Variants in RBFOX1 observed in about 807,000 individuals in gnomAD.
RBFOX1 encodes the protein RNA binding fox-1 homolog 1.
In RBFOX1, 8 loss-of-function variants were observed where a neutral mutation model predicts 57.7. That is an observed-to-expected ratio of 0.14 (90% CI 0.08 to 0.25). The LOEUF (loss-of-function observed/expected upper bound fraction) is 0.25, where lower values mean the gene tolerates loss of function less well. Ranked by LOEUF, RBFOX1 falls within the 10% of genes least tolerant of loss-of-function variation. The pLI is 1.00. For synonymous variants in RBFOX1, 326 were observed against 222.4 expected (o/e 1.47, Z -4.15); for missense variants, 611 against 548.5 (o/e 1.11, Z -1.14).
intron 4 of RBFOX1, among the ~76,000 whole-genome samples, chr16:5,911,954 G>T (rs935333623): frequency 2.6e-5 from 4 of 152,172 alleles, no homozygotes; most frequent in African/African-American, 9.7e-5. Flanking sequence ...CAAACATTCA[G>T]ACCTTAGTAG....
chr16:7,457,283 G>T (rs1037974017), intron 4 of RBFOX1, among the ~76,000 whole-genome samples: 1 of 152,110 alleles, frequency 6.6e-6, no homozygotes, highest in African/African-American at 2.4e-5. Flanking sequence ...TTGTGTCATG[G>T]AATAGCAAAC....
chr16:5,845,268 A>G (rs188974888), intron 3 of RBFOX1, among the ~76,000 whole-genome samples: 84 of 152,116 alleles, frequency 5.5e-4, no homozygotes, highest in Middle Eastern at 3.4e-3. Context: ...AAGCATTTCC[A>G]CCACCGTTAT....
chr16:5,666,590 T>C (rs1193490626), intron 3 of RBFOX1, among the ~76,000 whole-genome samples: 1 of 152,200 alleles, frequency 6.6e-6, no homozygotes, highest in African/African-American at 2.4e-5. Context: ...AACAGTGTAC[T>C]TAAAGACTGT....
At chr16:6,851,891 G>A (rs1004704700) in intron 3 of RBFOX1, among the ~76,000 whole-genome samples, 1 of 151,824 alleles carries the variant, frequency 6.6e-6, no homozygotes, top group East Asian at 1.9e-4. Context: ...TATTTTTTGG[G>A]GGGTTGGAGA....
intron 3 of RBFOX1, among the ~76,000 whole-genome samples, chr16:6,753,316 G>C (rs1290951354): frequency 2.6e-5 from 4 of 152,192 alleles, no homozygotes; most frequent in Non-Finnish European, 4.4e-5. Flanking sequence ...CAGCTTTGCT[G>C]TTTTGAGATT....
At chr16:7,079,597 G>T (rs2058843636) in intron 4 of RBFOX1, among the ~76,000 whole-genome samples, 1 of 152,160 alleles carries the variant, frequency 6.6e-6, no homozygotes, top group Non-Finnish European at 1.5e-5. Flanking sequence ...AAAATAAAAT[G>T]CCATATTGAA....
intron 4 of RBFOX1, among the ~76,000 whole-genome samples, chr16:7,440,502 G>C (rs1277148149): frequency 6.6e-6 from 1 of 152,142 alleles, no homozygotes; most frequent in Non-Finnish European, 1.5e-5. Flanking sequence ...CAAGGAATGT[G>C]GCCAGCATTA....
chr16:6,863,701 G>A lies in RBFOX1; in HGVS notation c.-15-188356G>A, dbSNP rs375971262. ...AAAAAAAAGAAAAAAAGAAATGACCGGAAGCACAAATTGGATGCCTGCGCT... is the reference window on the plus strand; with the variant it reads ...AAAAAAAAGAAAAAAAGAAATGACCAGAAGCACAAATTGGATGCCTGCGCT... On this transcript the variant is annotated intron_variant, in intron 3 of 15. Transcript: ENST00000550418. Among the ~76,000 whole-genome samples the A allele has an allele frequency of 2.0e-4, 25 of 125,574 alleles. 1 individual carries two copies. Among genetic ancestry groups the A allele is most frequent in the African/African-American group, 4.9e-4 (16 of 32,392 alleles). 82.4% of individuals were successfully genotyped at this position (125,574 alleles called of 152,430 possible). A position where few individuals can be genotyped will look rare whatever the true frequency, so the allele number is the denominator to read the frequency against.
At chr16:7,362,556 ATGTTT>A (rs1311915139) in intron 4 of RBFOX1, among the ~76,000 whole-genome samples, 1 of 149,166 alleles carries the variant, frequency 6.7e-6, no homozygotes, top group Admixed American at 6.7e-5. Flanking sequence ...TAGTGTGTGG[ATGTTT>A]TGTTTGCATG....
chr16:6,950,386 C>G (rs956879713), intron 3 of RBFOX1, among the ~76,000 whole-genome samples: 1 of 144,236 alleles, frequency 6.9e-6, no homozygotes, highest in East Asian at 2.1e-4. Context: ...CCACCCACCA[C>G]CCACTACCCA....
intron 3 of RBFOX1, among the ~76,000 whole-genome samples, chr16:6,972,743 C>T (rs753860887): frequency 2.0e-5 from 3 of 151,910 alleles, no homozygotes; most frequent in Non-Finnish European, 4.4e-5. Context: ...GTGGGAGACT[C>T]CAGGGGAAAC....
chr16:5,904,564 G>T (rs2058397552), intron 4 of RBFOX1, among the ~76,000 whole-genome samples: 1 of 151,934 alleles, frequency 6.6e-6, no homozygotes, highest in Non-Finnish European at 1.5e-5. Context: ...CCATGGTGTG[G>T]TCTCTGTCCC....
intron 5 of RBFOX1, among the ~76,000 whole-genome samples, chr16:7,530,707 A>C (rs1057037781): frequency 8.5e-5 from 13 of 152,188 alleles, no homozygotes; most frequent in African/African-American, 3.1e-4. Context: ...CCAAATTGTC[A>C]AATTATAGCA....
chr16:5,848,187 C>G (rs753895411), intron 3 of RBFOX1, among the ~76,000 whole-genome samples: 1 of 152,128 alleles, frequency 6.6e-6, no homozygotes, highest in African/African-American at 2.4e-5. Context: ...TTTTGTCCAG[C>G]CTGACACCAC....
intron 1 of RBFOX1, among the ~76,000 whole-genome samples, chr16:5,337,393 C>T (rs923959168): frequency 3.3e-5 from 5 of 152,142 alleles, no homozygotes; most frequent in Non-Finnish European, 5.9e-5. Context: ...TGATTTCATA[C>T]TTTATATTCA....
chr16:5,438,257 T>G (rs1452950064), intron 1 of RBFOX1, among the ~76,000 whole-genome samples: 1 of 152,192 alleles, frequency 6.6e-6, no homozygotes, highest in African/African-American at 2.4e-5. Flanking sequence ...CATCCAGTCA[T>G]CACCTAAGTT....
chr16:5,611,418 A>T (rs2047782264), intron 3 of RBFOX1: 1 of 152,186 alleles, frequency 6.6e-6, no homozygotes, highest in African/African-American at 2.4e-5. Flanking sequence ...GTAAGAGCAC[A>T]GAAAGCCTAA....
intron 12 of RBFOX1, among the ~76,000 whole-genome samples, chr16:7,661,686 C>G (rs1027337869): frequency 2.0e-5 from 3 of 152,190 alleles, no homozygotes; most frequent in African/African-American, 7.2e-5. Context: ...GGGCTTTCTT[C>G]TTCGGTCTTC....
At chr16:6,698,494 C>A (rs13337871) in intron 3 of RBFOX1, among the ~76,000 whole-genome samples, 1 of 152,126 alleles carries the variant, frequency 6.6e-6, no homozygotes. Flanking sequence ...GGGCTGGGCC[C>A]TGTCTTTCCC....
Sources: gnomAD v4.1 joint callset for allele counts (sites outside exome capture counted in the v4.1 genomes callset) on GRCh38, gnomAD v4.1.1 for gene constraint, MANE v1.5 for transcripts, NCBI Gene and HGNC (gene_info 2026-07-23, HGNC 2026-07-21) for gene names.